The following CPAMD8 variants were observed in gnomAD, a reference collection of about 807,000 sequenced individuals.
CPAMD8 encodes C3 and PZP-like alpha-2-macroglobulin domain-containing protein 8.
Under a neutral mutation model 224.7 loss-of-function variants are expected in CPAMD8, and 146 were observed. The observed-to-expected ratio is 0.65, with a 90% CI of 0.57 to 0.75. The LOEUF (loss-of-function observed/expected upper bound fraction) is 0.75, where lower values mean the gene tolerates loss of function less well. CPAMD8 is among the 30% of genes least tolerant of loss of function. The pLI, the probability that CPAMD8 is intolerant of heterozygous loss-of-function variation, is 0.00. For missense variants in CPAMD8, 2,301 were observed against 2,537.5 expected (o/e 0.91, Z 2.00); for synonymous variants, 966 against 1,044.6 (o/e 0.92, Z 1.45).
chr19:16,976,118 G>C lies in CPAMD8; in HGVS notation c.1792C>G (p.Pro598Ala), dbSNP rs758123694. ...SVTYSANETQ[P>A]GEVVDLRIRA... ...ATCCGCAGGTCGACAACCTCCCCAG[G>C]TTGGGTCTCATTTGCTGAATACGTC... Residue 598 changes from proline to alanine, a missense_variant, in exon 16 of 42, where the codon CCT (proline) becomes GCT (alanine). Transcript: ENST00000443236. The C allele has an allele frequency of 4.3e-6, 7 of 1,612,434 alleles. 1 individual carries two copies. In the South Asian group the frequency reaches 5.5e-5, roughly 13 times the overall value.
intron 6 of CPAMD8, chr19:17,008,813 T>C: frequency 1.8e-6 from 1 of 542,626 alleles, no homozygotes; most frequent in Non-Finnish European, 3.3e-6. Flanking sequence ...CGTGGCTGGG[T>C]GTGGTGGCTC....
Position 16,947,931 on chromosome 19 carries a change from T to C in CPAMD8, c.2509-704A>G, listed in dbSNP as rs368469452. 3.9e-4 allele frequency among the ~76,000 whole-genome samples: 60 copies of C among 152,336 alleles called. 1 individual carries two copies. The South Asian group carries it at 0.011, about 28-fold the overall frequency. Reference sequence around the variant, plus strand: ...ACCCATGGGACTCCATGTGCATGTCTGTGCATGGATGTGCAAGTATGGCAT... The same window carrying C: ...ACCCATGGGACTCCATGTGCATGTCCGTGCATGGATGTGCAAGTATGGCAT... On this transcript the variant is annotated intron_variant, in intron 20 of 41. Coordinates refer to ENST00000443236, the MANE Select transcript of CPAMD8 (RefSeq NM_015692.5).
At chr19:16,925,734 A>C (rs965983308) in intron 25 of CPAMD8, among the ~76,000 whole-genome samples, 1 of 151,050 alleles carries the variant, frequency 6.6e-6, no homozygotes, top group African/African-American at 2.4e-5. Flanking sequence ...AATCATTCTC[A>C]TTCTATTCTA....
At chr19:16,944,172 G>C (rs1599751678) in intron 22 of CPAMD8, among the ~76,000 whole-genome samples, 1 of 152,334 alleles carries the variant, frequency 6.6e-6, no homozygotes, top group East Asian at 1.9e-4. Context: ...ATCTCAGCTG[G>C]TGGCGCCCAC....
At chr19:16,971,719 G>A (rs909761709) in intron 17 of CPAMD8, among the ~76,000 whole-genome samples, 1 of 152,042 alleles carries the variant, frequency 6.6e-6, no homozygotes, top group Non-Finnish European at 1.5e-5. Context: ...AATTTTAAAC[G>A]GTGAGTTTTA....
In CPAMD8 at chr19:16,989,213, G is replaced by A. The variant is rs187584238; in HGVS notation, c.1395+430C>T. On this transcript the variant is annotated intron_variant, in intron 13 of 41. Coordinates refer to ENST00000443236, the MANE Select transcript of CPAMD8 (RefSeq NM_015692.5). The stretch of plus-strand genomic sequence containing the variant: ...AACCATCCCCCGTGCCCGTGCCCCC[G>A]TCTGTGGAAAAATTGTCTTCCACAA... Among the ~76,000 whole-genome samples, 54 of 152,200 alleles carry A rather than the reference G, an allele frequency of 3.5e-4. No homozygotes were observed. In the South Asian group the frequency reaches 7.5e-3, roughly 21 times the overall value.
intron 39 of CPAMD8, chr19:16,897,482 C>CCCAGCCACGCCCCTCCCCGCTGA (rs1467534115): frequency 1.8e-6 from 1 of 563,542 alleles, no homozygotes; most frequent in Non-Finnish European, 3.1e-6. Context: ...TTACCACTCC[C>CCCAGCCACGCCCCTCCCCGCTGA]CCAGCCACGC....
At position 16,896,444 on chromosome 19, in the gene CPAMD8, T is replaced by A. The variant is rs1214974175; in HGVS notation, c.5275+12A>T. 1.1e-5 allele frequency: 16 copies of A among 1,459,926 alleles called. No homozygotes were observed. Among genetic ancestry groups the A allele is most frequent in the Non-Finnish European group, 1.4e-5 (16 of 1,110,674 alleles). 90.4% of individuals were successfully genotyped at this position (1,459,926 alleles called of 1,614,324 possible). On this transcript the variant is annotated intron_variant, in intron 40 of 41. Coordinates refer to ENST00000443236, the MANE Select transcript of CPAMD8 (RefSeq NM_015692.5). ...GGTGTCCCCGAGGCTAGGCGGGGGGTAGGGTCCTCACCGAGGGCGCAGCAG... is the reference window on the plus strand; with the variant it reads ...GGTGTCCCCGAGGCTAGGCGGGGGGAAGGGTCCTCACCGAGGGCGCAGCAG...
Position 16,993,389 on chromosome 19 carries a change from T to C in CPAMD8, c.1266+27A>G, listed in dbSNP as rs1402312282. 7 of 1,600,502 alleles carry C rather than the reference T, an allele frequency of 4.4e-6. No individual in the cohort carries two copies. The Admixed American group carries it at 5.1e-5, about 12-fold the overall frequency. ...CCCAAGTCCATACCTGCTGGCTGAA[T>C]AACAAGGGTCCACGGGACTCACCCA... On this transcript the variant is annotated intron_variant, in intron 12 of 41. Transcript: ENST00000443236.
chr19:17,020,099 C>T (rs984175496), intron 3 of CPAMD8, among the ~76,000 whole-genome samples: 2 of 151,520 alleles, frequency 1.3e-5, no homozygotes, highest in African/African-American at 4.8e-5. Flanking sequence ...CTCAGCCTCC[C>T]GAGTAGCTGG....
intron 8 of CPAMD8, 116 bp downstream of exon 8, chr19:17,004,157 G>C: frequency 1.6e-6 from 1 of 622,212 alleles, no homozygotes; most frequent in Non-Finnish European, 2.8e-6. Flanking sequence ...CCGCCCACCT[G>C]GGCCTCCGAA....
At chr19:16,927,275 C>T (rs954445225) in intron 25 of CPAMD8, among the ~76,000 whole-genome samples, 7 of 152,040 alleles carry the variant, frequency 4.6e-5, no homozygotes, top group East Asian at 3.9e-4. Flanking sequence ...ATAAGTCTTA[C>T]GAGATCTGAT....
intron 23 of CPAMD8, among the ~76,000 whole-genome samples, chr19:16,934,399 A>C (rs1159242545): frequency 6.6e-6 from 1 of 152,160 alleles, no homozygotes; most frequent in Non-Finnish European, 1.5e-5. Context: ...TAAAAGTGTT[A>C]ATTACAATAT....
intron 12 of CPAMD8, 122 bp from the exon 13 acceptor site, chr19:16,989,893 G>A: frequency 1.1e-6 from 1 of 917,006 alleles, no homozygotes; most frequent in South Asian, 1.4e-5. Context: ...TCCCTTTGGG[G>A]AACCCCCTCC....
intron 22 of CPAMD8, among the ~76,000 whole-genome samples, chr19:16,939,364 C>T (rs563122956): frequency 1.1e-4 from 17 of 152,116 alleles, no homozygotes; most frequent in African/African-American, 2.9e-4. Context: ...CATGCCACCA[C>T]GCCAAGCTAA....
Position 16,975,270 on chromosome 19 carries a change from G to T in CPAMD8, c.1909-12C>A, listed in dbSNP as rs779870282. The T allele has an allele frequency of 1.9e-6, 3 of 1,594,054 alleles. No homozygotes were observed. Among genetic ancestry groups the T allele is most frequent in the South Asian group, 2.3e-5 (2 of 88,328 alleles). On this transcript the variant is annotated splice_polypyrimidine_tract_variant and intron_variant, in intron 16 of 41. Transcript: ENST00000443236. ...AGTTCCTGGAAAACCTGCAGGCAAA[G>T]GGGGACAGAGACTTGTCAGCTGAAG...
chr19:16,981,107 C>T (rs1432400888), intron 13 of CPAMD8, among the ~76,000 whole-genome samples: 1 of 147,902 alleles, frequency 6.8e-6, no homozygotes, highest in Non-Finnish European at 1.5e-5. Context: ...AATCCCAGCA[C>T]TTTGGGGGGC....
At chr19:16,931,274 C>A (rs1046515234) in intron 23 of CPAMD8, among the ~76,000 whole-genome samples, 1 of 152,204 alleles carries the variant, frequency 6.6e-6, no homozygotes, top group Non-Finnish European at 1.5e-5. Flanking sequence ...CCCGCAAGTG[C>A]CTGAGGGTGC....
At chr19:16,909,121 A>C (rs531195516) in intron 29 of CPAMD8, among the ~76,000 whole-genome samples, 1 of 152,334 alleles carries the variant, frequency 6.6e-6, no homozygotes, top group African/African-American at 2.4e-5. Context: ...CCCACCAAAA[A>C]GATATATTCC....
Sources: gnomAD v4.1 joint callset for allele counts (sites outside exome capture counted in the v4.1 genomes callset) on GRCh38, gnomAD v4.1.1 for gene constraint, MANE v1.5 for transcripts, NCBI Gene and HGNC (gene_info 2026-07-23, HGNC 2026-07-21) for gene names.